COQ8A: variants seen among roughly 807,000 people sequenced by gnomAD.
The protein encoded by COQ8A is atypical kinase COQ8A, mitochondrial.
In COQ8A, 51 loss-of-function variants were observed where a neutral mutation model predicts 65.0. That is an observed-to-expected ratio of 0.78 (90% CI 0.63 to 0.99). The LOEUF (loss-of-function observed/expected upper bound fraction) is 0.99, where lower values mean the gene tolerates loss of function less well. COQ8A is among the 50% of genes least tolerant of loss of function. The pLI is 0.00. For missense variants in COQ8A, 940 were observed against 875.0 expected, an observed-to-expected ratio of 1.07 and a Z score of -0.94; for synonymous variants, 371 against 353.2, an observed-to-expected ratio of 1.05 and a Z score of -0.57.
rs142894121 is a variant in COQ8A at position 226,986,465 on chromosome 1, G to A, written c.1672G>A (p.Ala558Thr). 8.7e-6 allele frequency: 14 copies of A among 1,612,538 alleles called. No individual in the cohort carries two copies. The highest frequency in any genetic ancestry group is 1.2e-5 in the Non-Finnish European group (14 of 1,179,968). The change falls in exon 15 of 15, where the codon GCC becomes ACC. Residue 558 changes from alanine to threonine, a missense_variant. Ala to Thr is a moderately conservative substitution (Grantham distance 58, BLOSUM62 0). Coordinates refer to ENST00000366777, the MANE Select transcript of COQ8A (RefSeq NM_020247.5). ...TGYEVKVMED[A>T]HLDAILILGE... ...TCTCTTGCCCCAGGTCATGGAAGAC[G>A]CCCACTTGGATGCCATCCTCATCCT...
chr1:226,947,180 C>T (rs1461490968), intron 1 of COQ8A, among the ~76,000 whole-genome samples: 1 of 152,062 alleles, frequency 6.6e-6, no homozygotes, highest in African/African-American at 2.4e-5. Flanking sequence ...ATTGATTTAA[C>T]AAAAAAGGAG....
intron 6 of COQ8A, 130 bp downstream of exon 6, chr1:226,982,279 GAAGAT>G: frequency 7.4e-7 from 1 of 1,344,678 alleles, no homozygotes; most frequent in Non-Finnish European, 1.0e-6. Context: ...AGAGATCTTA[GAAGAT>G]AATAGGCCTG....
intron 1 of COQ8A, among the ~76,000 whole-genome samples, chr1:226,952,562 C>G (rs1006117483): frequency 6.6e-6 from 1 of 152,154 alleles, no homozygotes; most frequent in Non-Finnish European, 1.5e-5. Context: ...ACTACAGGTG[C>G]AGCACCACGC....
At chr1:226,961,283 G>A in intron 1 of COQ8A, 94 bp from the exon 2 acceptor site, 1 of 1,383,294 alleles carries the variant, frequency 7.2e-7, no homozygotes, top group Non-Finnish European at 1.0e-6. Context: ...CCAGCCCTCT[G>A]GACCTTCTGC....
At chr1:226,940,497 T>C (rs1361141986) in intron 1 of COQ8A, 98 bp downstream of exon 1, 1 of 152,332 alleles carries the variant, frequency 6.6e-6, no homozygotes, top group Non-Finnish European at 1.5e-5. Flanking sequence ...TTGCATTCTC[T>C]TCATGTGACA....
intron 4 of COQ8A, among the ~76,000 whole-genome samples, chr1:226,971,885 T>G (rs902105603): frequency 6.6e-6 from 1 of 152,216 alleles, no homozygotes; most frequent in Non-Finnish European, 1.5e-5. Flanking sequence ...AACTGTGGCT[T>G]CCATCAGTTT....
intron 1 of COQ8A, chr1:226,958,257 C>T (rs1657930360): frequency 6.6e-6 from 1 of 152,142 alleles, no homozygotes; most frequent in Non-Finnish European, 1.5e-5. Context: ...CTATCAACCC[C>T]ACAAAAGCCC....
At chr1:226,964,853 C>T in intron 2 of COQ8A, 147 bp from the exon 3 acceptor site, 1 of 886,352 alleles carries the variant, frequency 1.1e-6, no homozygotes, top group East Asian at 2.6e-5. Flanking sequence ...GGGAAGGGTG[C>T]CGGGCCTCAG....
At chr1:226,983,667 G>C in intron 9 of COQ8A, 34 bp downstream of exon 9, 1 of 1,612,966 alleles carries the variant, frequency 6.2e-7, no homozygotes, top group Non-Finnish European at 8.5e-7. Context: ...AAGGGCAGGA[G>C]TGGGTGGCAG....
intron 5 of COQ8A, 134 bp downstream of exon 5, chr1:226,977,657 G>A (rs1659323647): frequency 8.3e-6 from 8 of 959,848 alleles, no homozygotes; most frequent in Admixed American, 2.2e-5. Flanking sequence ...CGTAAGTGGC[G>A]TCCCTGGGGT....
chr1:226,960,616 A>ACT (rs1658188340), intron 1 of COQ8A, among the ~76,000 whole-genome samples: 1 of 40,896 alleles, frequency 2.4e-5, no homozygotes, highest in Non-Finnish European at 5.0e-5. Flanking sequence ...GGCGGTGGTG[A>ACT]TGGTGGTGGT....
At position 226,982,551 on chromosome 1, in the gene COQ8A, C is replaced by T. The variant is rs1572078580; in HGVS notation, c.854-127C>T. ...CGTGTGTGCGAGGGCTCCTGTCTTT[C>T]TGGCCTCACCCGTGCTCCTGGTGGG... On this transcript the variant is annotated intron_variant, in intron 6 of 14. Coordinates refer to ENST00000366777, the MANE Select transcript of COQ8A (RefSeq NM_020247.5). The T allele has an allele frequency of 2.9e-6, 3 of 1,039,858 alleles. No individual in the cohort carries two copies. The East Asian group carries it at 7.4e-5, about 26-fold the overall frequency. The allele number at this position is 1,039,858 out of a possible 1,614,324, so 64.4% of individuals were successfully genotyped here. A position where few individuals can be genotyped will look rare whatever the true frequency, so the allele number is the denominator to read the frequency against.
At chr1:226,981,654 T>A (rs1380655451) in intron 5 of COQ8A, among the ~76,000 whole-genome samples, 4 of 152,100 alleles carry the variant, frequency 2.6e-5, no homozygotes, top group Non-Finnish European at 5.9e-5. Context: ...TCACCTGGGG[T>A]CCTCTGGGTC....
At chr1:226,979,769 G>T (rs974666364) in intron 5 of COQ8A, among the ~76,000 whole-genome samples, 1 of 152,228 alleles carries the variant, frequency 6.6e-6, no homozygotes, top group Admixed American at 6.5e-5. Context: ...GACACGGGCG[G>T]CATGCACGTC....
At chr1:226,977,088 G>A (rs918477072) in intron 4 of COQ8A, among the ~76,000 whole-genome samples, 3 of 152,134 alleles carry the variant, frequency 2.0e-5, no homozygotes. Context: ...GGTGACGTTG[G>A]TCTGTGGACC....
chr1:226,957,153 G>C (rs1004112272), intron 1 of COQ8A, among the ~76,000 whole-genome samples: 1 of 144,480 alleles, frequency 6.9e-6, no homozygotes, highest in African/African-American at 2.6e-5. Context: ...TGCTCTCCCT[G>C]GCTTCCGCTC....
At chr1:226,943,633 G>C (rs1213600284) in intron 1 of COQ8A, among the ~76,000 whole-genome samples, 2 of 152,208 alleles carry the variant, frequency 1.3e-5, no homozygotes, top group South Asian at 4.1e-4. Context: ...AGGAAGAGCT[G>C]GTTTGGGAGA....
intron 5 of COQ8A, among the ~76,000 whole-genome samples, chr1:226,981,174 G>T (rs1283567085): frequency 1.3e-5 from 2 of 152,244 alleles, no homozygotes; most frequent in African/African-American, 4.8e-5. Flanking sequence ...AAGACTTGGA[G>T]CCCCAGATCC....
chr1:226,975,240 G>A (rs1474616421), intron 4 of COQ8A, among the ~76,000 whole-genome samples: 3 of 152,200 alleles, frequency 2.0e-5, no homozygotes, highest in East Asian at 1.9e-4. Flanking sequence ...TTTCTACAGC[G>A]AGAGAAAGAG....
Sources: allele counts gnomAD v4.1 joint callset (sites outside exome capture counted in the v4.1 genomes callset), GRCh38; gene constraint gnomAD v4.1.1; transcripts MANE v1.5; gene names NCBI Gene and HGNC (gene_info 2026-07-23, HGNC 2026-07-21).